The following SUPT20H variants were observed in gnomAD, a reference collection of about 807,000 sequenced individuals.
SUPT20H encodes SPT20 homolog, SAGA complex component, also known as transcription factor SPT20 homolog.
SUPT20H carries 82 observed loss-of-function variants against 122.8 expected under a neutral mutation model. That is an observed-to-expected ratio of 0.67 (90% confidence interval 0.56 to 0.80). The LOEUF (loss-of-function observed/expected upper bound fraction) is 0.80. Among genes scored for constraint, SUPT20H ranks in the 30% least tolerant of loss-of-function variants. The probability of loss-of-function intolerance (pLI) is 0.00; values close to 1 mark genes in which losing one functional copy is unlikely to be tolerated. For synonymous variants in SUPT20H, 291 were observed against 313.0 expected (o/e 0.93, Z 0.74); for missense variants, 831 against 921.6 (o/e 0.90, Z 1.27).
At chr13:37,051,429 A>C (rs1342635875) in intron 2 of SUPT20H, 59 bp downstream of exon 2, 4 of 1,514,324 alleles carry the variant, frequency 2.6e-6, no homozygotes. Flanking sequence ...TATCTTTATG[A>C]AGATGAAGGA....
At chr13:37,010,251 G>C (rs1400351418) in intron 25 of SUPT20H, among the ~76,000 whole-genome samples, 2 of 152,108 alleles carry the variant, frequency 1.3e-5, no homozygotes, top group African/African-American at 4.8e-5. Flanking sequence ...TAAAATATTA[G>C]AAAGTTAACA....
rs753052131 is a variant in SUPT20H at position 37,028,288 on chromosome 13, A to C, written c.1011T>G (p.Tyr337Ter). ...VWPAHDVKDDYVFECEAGTQY... is the reference protein window; with the variant it reads ...VWPAHDVKDD Reference sequence around the variant, plus strand: ...GAGTACCAGCTTCACATTCAAATACATAATCATCTTTTACATCCTGAAAAA... The same window carrying C: ...GAGTACCAGCTTCACATTCAAATACCTAATCATCTTTTACATCCTGAAAAA... Residue 337 changes from tyrosine (Y) to a stop codon, truncating the protein, a stop_gained, in exon 14 of 26, where the codon TAT becomes TAG. Transcript: ENST00000350612. LOFTEE classifies it high-confidence loss of function. 1 of 1,609,454 alleles carries C rather than the reference A, an allele frequency of 6.2e-7. No individual in the cohort carries two copies. The highest frequency in any genetic ancestry group is 1.3e-5 in the African/African-American group (1 of 74,668).
At chr13:37,041,070 AAAGTTT>A (rs2065377981) in intron 7 of SUPT20H, among the ~76,000 whole-genome samples, 2 of 152,326 alleles carry the variant, frequency 1.3e-5, no homozygotes, top group Admixed American at 1.3e-4. Flanking sequence ...TCATTACTAT[AAAGTTT>A]ATCATTGTTA....
Position 37,024,433 on chromosome 13 carries a change from T to C in SUPT20H, c.1339A>G (p.Thr447Ala). The change falls in exon 18 of 26, where the codon ACC becomes GCC. Residue 447 changes from threonine to alanine, a missense_variant. Coordinates refer to ENST00000350612, the MANE Select transcript of SUPT20H (RefSeq NM_001014286.3). ...SPGKETDQTE[T>A]VSVQSSVLGK... The stretch of plus-strand genomic sequence containing the variant: ...AATACCGAAGACTGAACTGACACGG[T>C]TTCAGTTTGCTAAAAGACAATGACA... 1 of 1,554,674 alleles carries C rather than the reference T, an allele frequency of 6.4e-7. No homozygotes were observed. The highest frequency in any genetic ancestry group is 8.7e-7 in the Non-Finnish European group (1 of 1,154,446).
chr13:37,045,208 A>G (rs770007754), intron 6 of SUPT20H, 39 bp downstream of exon 6: 33 of 1,606,926 alleles, frequency 2.1e-5, no homozygotes, highest in South Asian at 7.9e-5. Context: ...CCTGCCTAGC[A>G]AAAGTATTTT....
chr13:37,045,507 A>C, intron 5 of SUPT20H, 134 bp from the exon 6 acceptor site: 2 of 1,148,344 alleles, frequency 1.7e-6, no homozygotes, highest in Non-Finnish European at 2.4e-6. Flanking sequence ...ATAAATGGAG[A>C]AGGCTCACAA....
chr13:37,021,899 T>G, intron 20 of SUPT20H, 112 bp downstream of exon 20: 2 of 1,290,310 alleles, frequency 1.6e-6, no homozygotes, highest in Non-Finnish European at 2.1e-6. Flanking sequence ...AAACTATTCC[T>G]TTTCAGTCTG....
At position 37,012,068 on chromosome 13, in the gene SUPT20H, T is replaced by C. The variant is rs1295603699; in HGVS notation, c.2098+124A>G. The C allele has an allele frequency of 4.0e-5, 29 of 724,160 alleles. No homozygotes were observed. In the East Asian group the frequency reaches 5.2e-4, roughly 13 times the overall value. The allele number at this position is 724,160 out of a possible 1,614,324, so 44.9% of individuals were successfully genotyped here. A position where few individuals can be genotyped will look rare whatever the true frequency, so the allele number is the denominator to read the frequency against. ...AATCAATTTAATAGTTTACACATTA[T>C]AGCTTTACTTTTTCCTGTTTACTGG... On this transcript the variant is annotated intron_variant, in intron 24 of 25. Transcript: ENST00000350612.
At chr13:37,053,202 T>C (rs2068128161) in intron 1 of SUPT20H, among the ~76,000 whole-genome samples, 1 of 152,154 alleles carries the variant, frequency 6.6e-6, no homozygotes, top group Non-Finnish European at 1.5e-5. Context: ...CATTCTACTA[T>C]AAAGACACAT....
chr13:37,015,890 A>G (rs1440631052), intron 23 of SUPT20H, among the ~76,000 whole-genome samples: 3 of 152,208 alleles, frequency 2.0e-5, no homozygotes, highest in Non-Finnish European at 2.9e-5. Context: ...TGACCCTTGA[A>G]GACTTTATGC....
At chr13:37,045,217 T>C in intron 6 of SUPT20H, 30 bp downstream of exon 6, 1 of 1,607,226 alleles carries the variant, frequency 6.2e-7, no homozygotes, top group Non-Finnish European at 8.5e-7. Flanking sequence ...CAAAAGTATT[T>C]TGTGGCAGCT....
intron 6 of SUPT20H, among the ~76,000 whole-genome samples, chr13:37,044,641 A>C (rs2066089789): frequency 6.6e-6 from 1 of 152,214 alleles, no homozygotes; most frequent in African/African-American, 2.4e-5. Context: ...TTCCTTGTAG[A>C]ATTCACATTA....
Position 37,021,537 on chromosome 13 carries a change from G to A in SUPT20H, c.1727C>T (p.Pro576Leu). 6.2e-7 allele frequency: 1 copy of A among 1,613,696 alleles called. No individual in the cohort carries two copies. The highest frequency in any genetic ancestry group is 2.2e-5 in the East Asian group (1 of 44,842). ...AAGGCCGCTCAGGTTTATTCCTGCA[G>A]GAGTTATGGCACCAGTGTTACAGCC... ...MLGCNTGAIT[P>L]AGINLSGLLP... Residue 576 changes from proline to leucine, a missense_variant, in exon 21 of 26, where the codon CCT becomes CTT. Pro to Leu is a moderately conservative substitution (Grantham distance 98, BLOSUM62 -3). Coordinates refer to ENST00000350612, the MANE Select transcript of SUPT20H (RefSeq NM_001014286.3).
chr13:37,052,918 A>T, intron 1 of SUPT20H, among the ~76,000 whole-genome samples: 1 of 152,238 alleles, frequency 6.6e-6, no homozygotes, highest in African/African-American at 2.4e-5. Context: ...AACATATGAA[A>T]AAAAGCTCAT....
Position 37,010,644 on chromosome 13 carries a change from G to A in SUPT20H, c.2110C>T (p.Leu704Phe). 6.2e-7 allele frequency: 1 copy of A among 1,613,678 alleles called. No individual in the cohort carries two copies. ...MQSQAAVLSQ[L>F]GSAENRPEQS... ...TCAGGTCTGTTCTCGGCAGAGCCAA[G>A]CTGAGACAACACTACAGAGAGGAGA... Residue 704 changes from leucine to phenylalanine, a missense_variant, in exon 25 of 26, where the codon CTT becomes TTT. Leu to Phe is a conservative substitution (Grantham distance 22). Coordinates refer to ENST00000350612, the MANE Select transcript of SUPT20H (RefSeq NM_001014286.3).
intron 23 of SUPT20H, among the ~76,000 whole-genome samples, chr13:37,014,491 C>A (rs1415977648): frequency 6.6e-6 from 1 of 152,078 alleles, no homozygotes; most frequent in East Asian, 1.9e-4. Context: ...TTAAACAAAC[C>A]TCAACAAACT....
chr13:37,023,871 C>A (rs2061768415), intron 19 of SUPT20H, 164 bp downstream of exon 19: 2 of 589,396 alleles, frequency 3.4e-6, no homozygotes, highest in Non-Finnish European at 5.6e-6. Context: ...AGACATAATA[C>A]ATACAATCAA....
intron 5 of SUPT20H, chr13:37,047,154 C>T (rs985860739): frequency 1.3e-5 from 2 of 154,252 alleles, no homozygotes; most frequent in African/African-American, 2.4e-5. Flanking sequence ...CTCTGGCTTT[C>T]CAGTTTAAAT....
At chr13:37,042,212 C>A (rs964701373) in intron 7 of SUPT20H, among the ~76,000 whole-genome samples, 1 of 152,142 alleles carries the variant, frequency 6.6e-6, no homozygotes, top group African/African-American at 2.4e-5. Flanking sequence ...AGGACAGAGT[C>A]ATCTGTTAGA....
Sources: gnomAD v4.1 joint callset for allele counts (sites outside exome capture counted in the v4.1 genomes callset) on GRCh38, gnomAD v4.1.1 for gene constraint, MANE v1.5 for transcripts, NCBI Gene and HGNC (gene_info 2026-07-23, HGNC 2026-07-21) for gene names.